Variants in ADORA2A observed in about 807,000 individuals in gnomAD.
ADORA2A encodes the protein adenosine receptor A2a.
Under a neutral mutation model 18.4 loss-of-function variants are expected in ADORA2A, and 11 were observed. That is an observed-to-expected ratio of 0.60 (90% CI 0.38 to 0.99). The LOEUF (loss-of-function observed/expected upper bound fraction) is 0.99, where lower values mean the gene tolerates loss of function less well. Ranked by LOEUF, ADORA2A falls within the 50% of genes least tolerant of loss-of-function variation. The probability of loss-of-function intolerance (pLI) is 0.01; values close to 1 mark genes in which losing one functional copy is unlikely to be tolerated. For missense variants in ADORA2A, 449 were observed against 556.1 expected (o/e 0.81, Z 1.94); for synonymous variants, 218 against 237.3 (o/e 0.92, Z 0.75).
At chr22:24,434,969 G>A (rs954409921) in intron 2 of ADORA2A, among the ~76,000 whole-genome samples, 1 of 152,218 alleles carries the variant, frequency 6.6e-6, no homozygotes, top group Non-Finnish European at 1.5e-5. Context: ...TCACTGGGGA[G>A]CGGTCATGAG....
At chr22:24,433,759 C>T in intron 2 of ADORA2A, 23 bp downstream of exon 2, 5 of 1,593,480 alleles carry the variant, frequency 3.1e-6, no homozygotes, top group Non-Finnish European at 4.3e-6. Flanking sequence ...GGGGTTACAT[C>T]TGTGCAAAGG....
intron 1 of ADORA2A, chr22:24,431,264 C>G (rs1033584242): frequency 2.2e-6 from 1 of 456,720 alleles, no homozygotes; most frequent in African/African-American, 2.0e-5. Context: ...TGGCTCTGCT[C>G]TCTCCTTCCT....
chr22:24,438,837 T>C (rs1235780663), intron 2 of ADORA2A: 2 of 152,098 alleles, frequency 1.3e-5, no homozygotes, highest in Non-Finnish European at 2.9e-5. Flanking sequence ...TTTGAATTAG[T>C]TGACAAAACT....
Position 24,435,712 on chromosome 22 carries a change from T to C in ADORA2A, c.332+1976T>C, listed in dbSNP as rs374195604. Among the ~76,000 whole-genome samples the C allele has an allele frequency of 1.8e-4, 27 of 152,050 alleles. 1 individual carries two copies. Among genetic ancestry groups the C allele is most frequent in the Admixed American group, 1.2e-3 (19 of 15,260 alleles). ...GGGGTGACAGGGACCCTGAGGAGGG[T>C]TGGAGGCGTGGGGAGGGTGGGGATT... On this transcript the variant is annotated intron_variant, in intron 2 of 2. Transcript: ENST00000337539.
chr22:24,431,495 T>C (rs1173985767), intron 1 of ADORA2A: 1 of 456,680 alleles, frequency 2.2e-6, no homozygotes, highest in Non-Finnish European at 4.4e-6. Flanking sequence ...GCCTGGCCCT[T>C]TGAACAGGGC....
chr22:24,437,208 C>T (rs2043202150), intron 2 of ADORA2A, among the ~76,000 whole-genome samples: 1 of 152,198 alleles, frequency 6.6e-6, no homozygotes, highest in African/African-American at 2.4e-5. Flanking sequence ...AGCCGGGGGA[C>T]ACAGAGCTGC....
At chr22:24,428,791 A>C (rs1015902483) in intron 1 of ADORA2A, among the ~76,000 whole-genome samples, 1 of 152,230 alleles carries the variant, frequency 6.6e-6, no homozygotes, top group Admixed American at 6.5e-5. Context: ...GCAGGGCAGC[A>C]GCCGCCTCCC....
At chr22:24,428,859 C>T (rs1171833087) in intron 1 of ADORA2A, among the ~76,000 whole-genome samples, 7 of 152,194 alleles carry the variant, frequency 4.6e-5, no homozygotes, top group African/African-American at 7.2e-5. Flanking sequence ...TCAGATGGGG[C>T]CAGGCACAGC....
intron 1 of ADORA2A, among the ~76,000 whole-genome samples, chr22:24,430,738 G>A (rs892195194): frequency 6.6e-6 from 1 of 152,266 alleles, no homozygotes; most frequent in South Asian, 2.1e-4. Context: ...CTGGAGCGTG[G>A]TCTGGGGCTG....
In ADORA2A at chr22:24,440,910, G is replaced by A. The variant is rs1174126700; in HGVS notation, c.660G>A (p.Arg220=). 3.1e-6 allele frequency: 5 copies of A among 1,614,136 alleles called. No homozygotes were observed. Among genetic ancestry groups the A allele is most frequent in the Non-Finnish European group, 4.2e-6 (5 of 1,180,012 alleles). Residue 220 remains arginine, a synonymous_variant, in exon 3 of 3, where the codon CGG becomes CGA. Coordinates refer to ENST00000337539, the MANE Select transcript of ADORA2A (RefSeq NM_000675.6). The part of the protein sequence containing the change: ...QMESQPLPGE[R]ARSTLQKEVH... ...AGAGCCAGCCTCTGCCGGGGGAGCG[G>A]GCACGGTCCACACTGCAGAAGGAGG... is the stretch of plus-strand genomic sequence containing the variant.
At chr22:24,439,372 T>G (rs899394447) in intron 2 of ADORA2A, 1 of 152,122 alleles carries the variant, frequency 6.6e-6, no homozygotes, top group African/African-American at 2.4e-5. Context: ...CCTTGCACCT[T>G]CTGAGTGTCC....
chr22:24,431,643 T>C (rs1483319342), intron 1 of ADORA2A: 1 of 382,648 alleles, frequency 2.6e-6, no homozygotes, highest in Admixed American at 3.0e-5. Context: ...AGGCAGGTGG[T>C]GGCGGCTGGC....
At chr22:24,438,591 G>A (rs997738038) in intron 2 of ADORA2A, 1 of 152,212 alleles carries the variant, frequency 6.6e-6, no homozygotes, top group Non-Finnish European at 1.5e-5. Flanking sequence ...AGCCCCCACG[G>A]AATGGAGCTG....
chr22:24,428,482 C>A (rs2042953338), intron 1 of ADORA2A, among the ~76,000 whole-genome samples: 1 of 152,166 alleles, frequency 6.6e-6, no homozygotes, highest in Admixed American at 6.5e-5. Flanking sequence ...TGTATTATTT[C>A]TTGTTCATAT....
In ADORA2A at chr22:24,441,704, G is replaced by T. The variant is rs1601427127; in HGVS notation, c.*215G>T. The stretch of plus-strand genomic sequence containing the variant: ...AGGAAGCAGATGTTTCATGCTGTGA[G>T]GCCTTGCACCAGGTGGGGGCCACAG... On this transcript the variant is annotated 3_prime_UTR_variant, in exon 3 of 3. Coordinates refer to ENST00000337539, the MANE Select transcript of ADORA2A (RefSeq NM_000675.6). 6 of 447,386 alleles carry T rather than the reference G, an allele frequency of 1.3e-5. No homozygotes were observed. In the East Asian group the frequency reaches 2.0e-4, roughly 15 times the overall value. The allele number at this position is 447,386 out of a possible 1,614,324, so 27.7% of individuals were successfully genotyped here. A position where few individuals can be genotyped will look rare whatever the true frequency, so the allele number is the denominator to read the frequency against.
chr22:24,438,070 A>G (rs1013941886), intron 2 of ADORA2A, among the ~76,000 whole-genome samples: 1 of 152,278 alleles, frequency 6.6e-6, no homozygotes, highest in African/African-American at 2.4e-5. Context: ...TGTTGCCTCA[A>G]ATGACAGGAA....
intron 2 of ADORA2A, 48 bp downstream of exon 2, chr22:24,433,784 G>T: frequency 1.3e-6 from 2 of 1,554,082 alleles, no homozygotes; most frequent in Non-Finnish European, 1.7e-6. Flanking sequence ...TGGTGCCCAG[G>T]CTTTGGTCTG....
chr22:24,424,937 G>A (rs1228018751), upstream of ADORA2A, among the ~76,000 whole-genome samples: 1 of 152,086 alleles, frequency 6.6e-6, no homozygotes, highest in Non-Finnish European at 1.5e-5. This position sits in a 1 kb window ranked among gnomAD's most constrained non-coding sequence, Gnocchi z 4.9. Context: ...GTCCTAGGCT[G>A]GGGGAGTCGG....
In ADORA2A at chr22:24,441,696, T is replaced by C; in HGVS notation, c.*207T>C. The C allele has an allele frequency of 2.1e-6, 1 of 472,218 alleles. No homozygotes were observed. Among genetic ancestry groups the C allele is most frequent in the South Asian group, 5.9e-5 (1 of 17,082 alleles). 29.3% of individuals were successfully genotyped at this position (472,218 alleles called of 1,614,324 possible). On this transcript the variant is annotated 3_prime_UTR_variant, in exon 3 of 3. Coordinates refer to ENST00000337539, the MANE Select transcript of ADORA2A (RefSeq NM_000675.6). ...GGGTTCTGAGGAAGCAGATGTTTCA[T>C]GCTGTGAGGCCTTGCACCAGGTGGG...
Sources: allele counts gnomAD v4.1 joint callset (sites outside exome capture counted in the v4.1 genomes callset), GRCh38; gene constraint gnomAD v4.1.1; non-coding constraint Gnocchi (gnomAD v3.1); transcripts MANE v1.5; gene names NCBI Gene and HGNC (gene_info 2026-07-23, HGNC 2026-07-21).